Variants in CAST observed in about 807,000 individuals in gnomAD.
CAST encodes the protein MIR583 host.
In CAST, 76 loss-of-function variants were observed where a neutral mutation model predicts 119.6. The observed-to-expected ratio is 0.64, with a 90% confidence interval of 0.53 to 0.77. CAST has a LOEUF of 0.77. CAST is among the 30% of genes least tolerant of loss of function. The pLI is 0.00. For missense variants in CAST, 953 were observed against 946.5 expected (o/e 1.01, Z -0.09); for synonymous variants, 319 against 331.6 (o/e 0.96, Z 0.41).
chr5:96,617,539 C>T (rs555792702), intron 1 of CAST, among the ~76,000 whole-genome samples: 3 of 151,994 alleles, frequency 2.0e-5, no homozygotes, highest in South Asian at 2.1e-4. Context: ...CCTGTAATCC[C>T]GGCACTTTGG....
intron 12 of CAST, 84 bp from the exon 13 acceptor site, chr5:96,740,661 T>G (rs1195659417): frequency 1.0e-6 from 1 of 963,350 alleles, no homozygotes; most frequent in African/African-American, 1.6e-5. Flanking sequence ...GAGGCACAAT[T>G]CAACCCACAA....
the CAST span, among the ~76,000 whole-genome samples, chr5:96,084,192 A>T: frequency 6.6e-6 from 1 of 152,164 alleles, no homozygotes; most frequent in Non-Finnish European, 1.5e-5. Context: ...AATAATAATA[A>T]AGTTCCAATA....
chr5:96,691,540 C>T (rs1752730852), intron 2 of CAST, among the ~76,000 whole-genome samples: 1 of 152,200 alleles, frequency 6.6e-6, no homozygotes, highest in South Asian at 2.1e-4. Context: ...TGGGGTTGCC[C>T]TGCAGAGGTC....
At chr5:96,509,905 G>C in the CAST span, among the ~76,000 whole-genome samples, 2 of 152,062 alleles carry the variant, frequency 1.3e-5, no homozygotes, top group African/African-American at 4.8e-5. Flanking sequence ...AATGAACTTT[G>C]GTCCTTTAGC....
the CAST span, among the ~76,000 whole-genome samples, chr5:96,106,073 G>T: frequency 5.3e-5 from 8 of 152,214 alleles, no homozygotes; most frequent in East Asian, 1.2e-3. Flanking sequence ...TGTGGGATCG[G>T]TGGTGATATC....
the CAST span, among the ~76,000 whole-genome samples, chr5:96,484,353 A>G: frequency 6.6e-6 from 1 of 152,190 alleles, no homozygotes; most frequent in South Asian, 2.1e-4. Flanking sequence ...GAAAAGTAAA[A>G]GCCAACACAA....
At chr5:96,137,119 A>G in the CAST span, among the ~76,000 whole-genome samples, 9 of 152,184 alleles carry the variant, frequency 5.9e-5, no homozygotes, top group Admixed American at 5.9e-4. Flanking sequence ...ACTCTCATGT[A>G]TCTGCCATTT....
the CAST span, among the ~76,000 whole-genome samples, chr5:96,451,871 G>T: frequency 6.6e-6 from 1 of 152,108 alleles, no homozygotes; most frequent in African/African-American, 2.4e-5. Flanking sequence ...ACATTTATGC[G>T]GCCAACAAAC....
intron 1 of CAST, among the ~76,000 whole-genome samples, chr5:96,644,219 ATACTT>A (rs1274218295): frequency 6.6e-6 from 1 of 152,240 alleles, no homozygotes; most frequent in Non-Finnish European, 1.5e-5. Flanking sequence ...ATTTAAAAAA[ATACTT>A]CACAACAAAT....
the CAST span, among the ~76,000 whole-genome samples, chr5:95,982,982 A>G: frequency 1.3e-5 from 2 of 152,242 alleles, no homozygotes; most frequent in African/African-American, 4.8e-5. Context: ...AAAATGAAAG[A>G]ATGAGGCAAT....
chr5:96,526,296 T>C (rs1040009366), upstream of CAST, among the ~76,000 whole-genome samples: 1 of 152,070 alleles, frequency 6.6e-6, no homozygotes, highest in Non-Finnish European at 1.5e-5. Context: ...GAATAGGGGT[T>C]TGGGGATTTG....
At chr5:96,540,611 T>G (rs186779452) in intron 1 of CAST, among the ~76,000 whole-genome samples, 4 of 152,336 alleles carry the variant, frequency 2.6e-5, no homozygotes, top group Non-Finnish European at 4.4e-5. Flanking sequence ...TAATTAAAAT[T>G]CATAGTTTAT....
chr5:96,664,536 C>G (rs1436989535), intron 1 of CAST, among the ~76,000 whole-genome samples: 2 of 152,122 alleles, frequency 1.3e-5, no homozygotes. Context: ...TGTTGGATTA[C>G]AGGCATGAGC....
the CAST span, chr5:96,425,740 A>G: frequency 1.2e-6 from 1 of 800,156 alleles, no homozygotes; most frequent in South Asian, 1.5e-5. Context: ...AAAAAAAAAA[A>G]AAATCCATGT....
intron 1 of CAST, among the ~76,000 whole-genome samples, chr5:96,640,910 T>A (rs1747942109): frequency 6.6e-6 from 1 of 152,184 alleles, no homozygotes; most frequent in South Asian, 2.1e-4. Flanking sequence ...AAGTCTCCGT[T>A]ATTCCTGAGG....
At chr5:96,073,563 A>G in the CAST span, among the ~76,000 whole-genome samples, 1 of 152,090 alleles carries the variant, frequency 6.6e-6, no homozygotes, top group Non-Finnish European at 1.5e-5. Context: ...TTTTCCACGG[A>G]TGGATGGCAG....
chr5:96,597,318 T>C (rs1747070635), intron 1 of CAST, among the ~76,000 whole-genome samples: 1 of 152,226 alleles, frequency 6.6e-6, no homozygotes, highest in Non-Finnish European at 1.5e-5. Flanking sequence ...TGGGATACTG[T>C]GGCCTTTTCC....
At chr5:96,210,274 C>A in the CAST span, 5 of 152,076 alleles carry the variant, frequency 3.3e-5, no homozygotes, top group African/African-American at 1.2e-4. Flanking sequence ...AATTTTCATC[C>A]AATTTTTTTC....
chr5:96,295,900 CACAT>C, the CAST span, among the ~76,000 whole-genome samples: 9 of 152,262 alleles, frequency 5.9e-5, no homozygotes, highest in African/African-American at 2.2e-4. Flanking sequence ...TATGCACACA[CACAT>C]ACACAGACTA....
Sources: allele counts gnomAD v4.1 joint callset (sites outside exome capture counted in the v4.1 genomes callset), GRCh38; gene constraint gnomAD v4.1.1; transcripts MANE v1.5; gene names NCBI Gene and HGNC (gene_info 2026-07-23, HGNC 2026-07-21).